The following KIF26B variants were observed in gnomAD, a reference collection of about 807,000 sequenced individuals.
KIF26B encodes kinesin family member 26B, also known as kinesin-like protein KIF26B.
In KIF26B, 63 loss-of-function variants were observed where a neutral mutation model predicts 151.2. The observed-to-expected ratio is 0.42, with a 90% CI of 0.34 to 0.51. The LOEUF (loss-of-function observed/expected upper bound fraction) is 0.51. Among genes scored for constraint, KIF26B ranks in the 20% least tolerant of loss-of-function variants. The pLI is 0.07. For missense variants in KIF26B, 2,813 were observed against 2,913.6 expected, an observed-to-expected ratio of 0.97 and a Z score of 0.79; for synonymous variants, 1,357 against 1,262.1, an observed-to-expected ratio of 1.08 and a Z score of -1.59.
intron 12 of KIF26B, among the ~76,000 whole-genome samples, chr1:245,689,495 A>G (rs1021813881): frequency 1.3e-5 from 2 of 152,236 alleles, no homozygotes; most frequent in Non-Finnish European, 2.9e-5. Flanking sequence ...CAGGGCCTGC[A>G]GTGCCCCCCG....
intron 2 of KIF26B, among the ~76,000 whole-genome samples, chr1:245,229,178 G>T (rs1034146369): frequency 6.6e-6 from 1 of 151,930 alleles, no homozygotes; most frequent in Non-Finnish European, 1.5e-5. Flanking sequence ...TACCATGTTG[G>T]CCAGGCTGGT....
At chr1:245,556,829 A>G (rs986671099) in intron 5 of KIF26B, among the ~76,000 whole-genome samples, 1 of 152,196 alleles carries the variant, frequency 6.6e-6, no homozygotes, top group African/African-American at 2.4e-5. Context: ...GCAAGCCACC[A>G]TCCCCAGCCA....
At chr1:245,556,623 A>G (rs1404682787) in intron 5 of KIF26B, among the ~76,000 whole-genome samples, 1 of 152,084 alleles carries the variant, frequency 6.6e-6, no homozygotes, top group East Asian at 1.9e-4. Context: ...GCTGGTCTCA[A>G]ACTCCTGAGT....
intron 2 of KIF26B, among the ~76,000 whole-genome samples, chr1:245,177,665 G>GGT (rs111597803): frequency 0.06 from 8,975 of 149,104 alleles, 308 homozygotes; most frequent in Non-Finnish European, 0.079. Context: ...TGTCCTTAGG[G>GGT]GTGTGTGTGT....
Position 245,167,160 on chromosome 1 carries a change from C to T in KIF26B, c.465+10477C>T, listed in dbSNP as rs575393427. Among the ~76,000 whole-genome samples the T allele has an allele frequency of 2.0e-5, 3 of 151,636 alleles. No homozygotes were observed. Among genetic ancestry groups the T allele is most frequent in the East Asian group, 1.9e-4 (1 of 5,178 alleles). On this transcript the variant is annotated intron_variant, in intron 2 of 14. Transcript: ENST00000407071. This position sits in a 1 kb window ranked among gnomAD's most constrained non-coding sequence, Gnocchi z 4.2. The stretch of plus-strand genomic sequence containing the variant: ...GTTCTAAAATCTTTGATGGTTCTTA[C>T]GTGTAAACTTTCTTTTTATATAATT...
In KIF26B at chr1:245,688,093, C is replaced by A. The variant is rs781205959; in HGVS notation, c.5110C>A (p.Pro1704Thr). The change falls in exon 12 of 15, where the codon CCC (proline) becomes ACC (threonine). Residue 1704 changes from proline (P) to threonine (T), a missense_variant. Coordinates refer to ENST00000407071, the MANE Select transcript of KIF26B (RefSeq NM_018012.4). ...GCACGCGGGCAAGGACGGCACCATG[C>A]CCCGCGCGGGGAGGAGCCTGGGCCG... ...RLHAGKDGTM[P>T]RAGRSLGRSA... is the part of the protein sequence containing the mutation. 2.3e-5 allele frequency: 36 copies of A among 1,553,670 alleles called. No individual in the cohort carries two copies. Among genetic ancestry groups the A allele is most frequent in the Non-Finnish European group, 2.0e-5 (23 of 1,151,262 alleles).
At chr1:245,399,288 T>C (rs1673936440) in intron 3 of KIF26B, among the ~76,000 whole-genome samples, 1 of 152,230 alleles carries the variant, frequency 6.6e-6, no homozygotes. Context: ...TTTCGTTCAC[T>C]TGAAAATGAA....
At chr1:245,294,818 A>G (rs1476421829) in intron 2 of KIF26B, among the ~76,000 whole-genome samples, 2 of 152,094 alleles carry the variant, frequency 1.3e-5, no homozygotes, top group Non-Finnish European at 2.9e-5. Context: ...ACCCACCAAC[A>G]GACCTGGCTA....
At chr1:245,580,168 A>G (rs1055555916) in intron 5 of KIF26B, among the ~76,000 whole-genome samples, 1 of 152,226 alleles carries the variant, frequency 6.6e-6, no homozygotes, top group African/African-American at 2.4e-5. Flanking sequence ...ATGCTGCGTC[A>G]TAACACGCTA....
intron 5 of KIF26B, among the ~76,000 whole-genome samples, chr1:245,553,916 A>G (rs555979118): frequency 1.5e-4 from 23 of 152,300 alleles, no homozygotes; most frequent in African/African-American, 4.6e-4. Flanking sequence ...TTATCGAGCC[A>G]TGGTCTGTGG....
chr1:245,693,494 C>G (rs1171371150), intron 12 of KIF26B, among the ~76,000 whole-genome samples: 2 of 152,202 alleles, frequency 1.3e-5, no homozygotes, highest in Non-Finnish European at 2.9e-5. Flanking sequence ...CTGTGTATTT[C>G]TCATATCTTT....
intron 2 of KIF26B, among the ~76,000 whole-genome samples, chr1:245,259,182 ACTCAGTT>A (rs1354731706): frequency 1.3e-5 from 2 of 152,036 alleles, no homozygotes; most frequent in Non-Finnish European, 2.9e-5. Context: ...GTGTTTCCCC[ACTCAGTT>A]CTTCTGTTCA....
At chr1:245,406,042 A>C (rs909125966) in intron 3 of KIF26B, among the ~76,000 whole-genome samples, 3 of 152,186 alleles carry the variant, frequency 2.0e-5, no homozygotes, top group Non-Finnish European at 4.4e-5. Context: ...TCAAAGGTTA[A>C]GTCGGGGCAT....
At chr1:245,364,001 G>T (rs1201457226) in intron 2 of KIF26B, among the ~76,000 whole-genome samples, 1 of 152,154 alleles carries the variant, frequency 6.6e-6, no homozygotes, top group Non-Finnish European at 1.5e-5. Flanking sequence ...GTACGGATTG[G>T]TCCTGTGAGT....
rs1359941884 is a variant in KIF26B, at chr1:245,572,951, G to C, written c.1351-29626G>C. On this transcript the variant is annotated intron_variant, in intron 5 of 14. Coordinates refer to ENST00000407071, the MANE Select transcript of KIF26B (RefSeq NM_018012.4). The surrounding 1 kb of genome is among the most constrained non-coding windows in gnomAD (Gnocchi z 4.2). ...CCACCTGCTCTGAACAGATTCTGTA[G>C]CGTAAAATTCTTTATAAATACACAT... Among the ~76,000 whole-genome samples, 1 of 152,140 alleles carries C rather than the reference G, an allele frequency of 6.6e-6. No homozygotes were observed. The highest frequency in any genetic ancestry group is 2.4e-5 in the African/African-American group (1 of 41,430).
At chr1:245,489,650 C>A (rs1010673290) in intron 4 of KIF26B, among the ~76,000 whole-genome samples, 1 of 152,122 alleles carries the variant, frequency 6.6e-6, no homozygotes, top group Non-Finnish European at 1.5e-5. Flanking sequence ...GATTCCTCGT[C>A]GGGCTATGTA....
chr1:245,528,842 T>C (rs1661299467), intron 4 of KIF26B, among the ~76,000 whole-genome samples: 2 of 152,218 alleles, frequency 1.3e-5, no homozygotes, highest in South Asian at 4.1e-4. Flanking sequence ...AGAACTTCTC[T>C]GTTTTAATGA....
At position 245,369,195 on chromosome 1, in the gene KIF26B, G is replaced by GAGAGAC. The variant is rs375330671; in HGVS notation, c.999+1831_999+1832insGACAGA. On this transcript the variant is annotated intron_variant, in intron 3 of 14. Transcript: ENST00000407071. ...AGAGAGAGAGAGAGAGAGAGAGAGA[G>GAGAGAC]AGACAGACAGACAGACAGACAGTTT... Among the ~76,000 whole-genome samples, 164 of 129,598 alleles carry GAGAGAC rather than the reference G, an allele frequency of 1.3e-3. No homozygotes were observed. The Middle Eastern group carries it at 0.027, about 21-fold the overall frequency. 85.0% of individuals were successfully genotyped at this position (129,598 alleles called of 152,430 possible). A position where few individuals can be genotyped will look rare whatever the true frequency, so the allele number is the denominator to read the frequency against.
At chr1:245,319,566 G>A (rs1183258724) in intron 2 of KIF26B, among the ~76,000 whole-genome samples, 1 of 151,492 alleles carries the variant, frequency 6.6e-6, no homozygotes, top group Admixed American at 6.6e-5. Context: ...CCTGTATCTG[G>A]ATTACAAACT....
Sources: allele counts gnomAD v4.1 joint callset (sites outside exome capture counted in the v4.1 genomes callset), GRCh38; gene constraint gnomAD v4.1.1; non-coding constraint Gnocchi (gnomAD v3.1); transcripts MANE v1.5; gene names NCBI Gene and HGNC (gene_info 2026-07-23, HGNC 2026-07-21).